Variants in RICTOR observed in about 807,000 individuals in gnomAD.
RICTOR encodes the protein RPTOR independent companion of MTOR complex 2.
RICTOR carries 49 observed loss-of-function variants against 214.9 expected under a neutral mutation model. The ratio of observed to expected loss-of-function variants is 0.23; its 90% CI spans 0.18 to 0.29. RICTOR has a LOEUF of 0.29. Among genes scored for constraint, RICTOR ranks in the 10% least tolerant of loss-of-function variants. RICTOR has a pLI of 1.00. For synonymous variants in RICTOR, 717 were observed against 711.3 expected (o/e 1.01, Z -0.13); for missense variants, 1,625 against 2,047.0 (o/e 0.79, Z 3.98).
At chr5:38,963,125 G>A (rs1042223041) in intron 16 of RICTOR, 84 bp from the exon 17 acceptor site, 39 of 906,992 alleles carry the variant, frequency 4.3e-5, no homozygotes, top group Non-Finnish European at 5.0e-5. Context: ...TAAAGCTTAC[G>A]TAAGATCAAG....
At position 39,066,471 on chromosome 5, in the gene RICTOR, C is replaced by A. The variant is rs1419427849; in HGVS notation, c.97+7640G>T. 2.6e-5 allele frequency among the ~76,000 whole-genome samples: 4 copies of A among 152,210 alleles called. No homozygotes were observed. In the South Asian group the frequency reaches 8.3e-4, roughly 32 times the overall value. On this transcript the variant is annotated intron_variant, in intron 2 of 37. Transcript: ENST00000357387. Reference sequence around the variant, plus strand: ...TTTTCTCCAACTTCACGGATATCAGCACTTTGGCATGTGTTTAATTATGCA... The same window carrying A: ...TTTTCTCCAACTTCACGGATATCAGAACTTTGGCATGTGTTTAATTATGCA...
At chr5:39,047,484 A>G (rs1052923682) in intron 2 of RICTOR, among the ~76,000 whole-genome samples, 1 of 152,180 alleles carries the variant, frequency 6.6e-6, no homozygotes, top group Non-Finnish European at 1.5e-5. Context: ...ACGGACTGGT[A>G]CCGGTGCACA....
intron 2 of RICTOR, among the ~76,000 whole-genome samples, chr5:39,052,645 T>A (rs532751971): frequency 8.8e-4 from 134 of 152,282 alleles, no homozygotes; most frequent in Non-Finnish European, 1.2e-3. Context: ...AAACATAAAA[T>A]AAAACCAGTG....
rs1759571386 is a variant in RICTOR at position 39,074,394 on chromosome 5, C to G, written c.-17G>C. ...CGCCGCCATATTGACGGGTTTCAGT[C>G]ACAACACCGGAAACCTCGCCCAATC... On this transcript the variant is annotated 5_prime_UTR_variant, in exon 1 of 38. Coordinates refer to ENST00000357387, the MANE Select transcript of RICTOR (RefSeq NM_152756.5). 9 of 1,534,110 alleles carry G rather than the reference C, an allele frequency of 5.9e-6. No individual in the cohort carries two copies. Among genetic ancestry groups the G allele is most frequent in the Non-Finnish European group, 7.9e-6 (9 of 1,139,292 alleles).
intron 2 of RICTOR, among the ~76,000 whole-genome samples, chr5:39,033,466 G>A (rs2150154296): frequency 6.6e-6 from 1 of 152,212 alleles, no homozygotes; most frequent in South Asian, 2.1e-4. Flanking sequence ...GTTTCACCAT[G>A]TTGGTCAGGC....
intron 2 of RICTOR, among the ~76,000 whole-genome samples, chr5:39,060,384 C>T (rs1251826511): frequency 6.6e-6 from 1 of 151,916 alleles, no homozygotes; most frequent in East Asian, 1.9e-4. Flanking sequence ...AGTTGCCATT[C>T]TACAGCACAA....
At position 38,945,575 on chromosome 5, in the gene RICTOR, C is replaced by T; in HGVS notation, c.4549G>A (p.Asp1517Asn). The T allele has an allele frequency of 6.2e-7, 1 of 1,614,108 alleles. No homozygotes were observed. Among genetic ancestry groups the T allele is most frequent in the Admixed American group, 1.7e-5 (1 of 60,010 alleles). ...CAGACACAATAAAGGCAGTTATCAT[C>T]TGTATGTTCCTGTAGTCCAGTGTCT... is the stretch of plus-strand genomic sequence containing the variant. ...TEDTGLQEHT[D>N]DNCLYCVCIE... is the part of the protein sequence containing the mutation. Residue 1517 changes from aspartate (D) to asparagine (N), a missense_variant, in exon 34 of 38, where the codon GAT (aspartate) becomes AAT (asparagine). By Grantham distance (23) the Asp-to-Asn change is conservative (BLOSUM62 1). Transcript: ENST00000357387.
intron 3 of RICTOR, among the ~76,000 whole-genome samples, chr5:39,005,264 A>C (rs1371143728): frequency 6.6e-6 from 1 of 152,098 alleles, no homozygotes. Flanking sequence ...TTTCAAAACT[A>C]CTTCTGTCCA....
intron 10 of RICTOR, among the ~76,000 whole-genome samples, chr5:38,973,911 C>A (rs1182547844): frequency 6.6e-6 from 1 of 152,120 alleles, no homozygotes; most frequent in African/African-American, 2.4e-5. Context: ...GTTTATTTAA[C>A]TTATAAACAG....
At chr5:38,952,454 T>TTA in intron 29 of RICTOR, 29 bp from the exon 30 acceptor site, 1 of 1,420,484 alleles carries the variant, frequency 7.0e-7, no homozygotes, top group Non-Finnish European at 9.9e-7. Context: ...GTAAAAACAG[T>TTA]TATAATTCCA....
chr5:39,022,933 G>A (rs75081740), intron 2 of RICTOR, among the ~76,000 whole-genome samples: 1,907 of 152,218 alleles, frequency 0.013, 19 homozygotes, highest in Middle Eastern at 0.027. Flanking sequence ...AAAAGTGATG[G>A]ATGAAAACTT....
chr5:39,062,148 A>C (rs1200849606), intron 2 of RICTOR, among the ~76,000 whole-genome samples: 2 of 152,088 alleles, frequency 1.3e-5, no homozygotes, highest in African/African-American at 4.8e-5. Context: ...ACGTCACTCT[A>C]AATAAACAAG....
chr5:39,032,485 T>C (rs923406372), intron 2 of RICTOR, among the ~76,000 whole-genome samples: 1 of 152,238 alleles, frequency 6.6e-6, no homozygotes, highest in Non-Finnish European at 1.5e-5. Flanking sequence ...ACTTCATTTC[T>C]GGTTCCACAC....
At chr5:39,053,403 A>C (rs867306424) in intron 2 of RICTOR, among the ~76,000 whole-genome samples, 1 of 152,132 alleles carries the variant, frequency 6.6e-6, no homozygotes, top group Admixed American at 6.5e-5. Flanking sequence ...TCAGAGGAAA[A>C]GAGTCTAGTG....
At chr5:39,043,070 A>G (rs1757274776) in intron 2 of RICTOR, among the ~76,000 whole-genome samples, 1 of 152,188 alleles carries the variant, frequency 6.6e-6, no homozygotes, top group Admixed American at 6.5e-5. Flanking sequence ...GTGCCTCAAA[A>G]AACTAAAAAT....
At chr5:39,023,989 T>C (rs1468149626) in intron 2 of RICTOR, among the ~76,000 whole-genome samples, 1 of 152,232 alleles carries the variant, frequency 6.6e-6, no homozygotes, top group Non-Finnish European at 1.5e-5. Flanking sequence ...GGACAGGTTC[T>C]GTGGAAAACA....
chr5:38,993,089 A>G (rs2548801), intron 6 of RICTOR, among the ~76,000 whole-genome samples: 145,272 of 152,116 alleles, frequency 0.96, 69,499 homozygotes, highest in East Asian at 0.99. Context: ...ATGTCAGATA[A>G]AAATAGTTGG....
intron 19 of RICTOR, among the ~76,000 whole-genome samples, chr5:38,961,894 G>T: frequency 6.6e-6 from 1 of 152,028 alleles, no homozygotes; most frequent in East Asian, 1.9e-4. Flanking sequence ...ACAAACATTT[G>T]CACGGGTTAT....
chr5:39,074,059 C>G, intron 2 of RICTOR, 52 bp downstream of exon 2: 2 of 1,451,778 alleles, frequency 1.4e-6, no homozygotes, highest in Middle Eastern at 2.4e-4. Context: ...GCCCCGGACC[C>G]GGCTCCTCCC....
Sources: allele counts gnomAD v4.1 joint callset (sites outside exome capture counted in the v4.1 genomes callset), GRCh38; gene constraint gnomAD v4.1.1; transcripts MANE v1.5; gene names NCBI Gene and HGNC (gene_info 2026-07-23, HGNC 2026-07-21).